The following ABL2 variants were observed in gnomAD, a reference collection of about 807,000 sequenced individuals.
ABL2 encodes tyrosine-protein kinase ABL2.
ABL2 carries 49 observed loss-of-function variants against 107.7 expected under a neutral mutation model. That is an observed-to-expected ratio of 0.45 (90% CI 0.36 to 0.58). ABL2 has a LOEUF of 0.58. Ranked by LOEUF, ABL2 falls within the 20% of genes least tolerant of loss-of-function variation. ABL2 has a pLI of 0.00. For missense variants in ABL2, 1,245 were observed against 1,457.0 expected, an observed-to-expected ratio of 0.85 and a Z score of 2.37; for synonymous variants, 549 against 548.6, an observed-to-expected ratio of 1.00 and a Z score of -0.01.
chr1:179,223,610 G>C (rs1304516535), intron 1 of ABL2, among the ~76,000 whole-genome samples: 1 of 151,646 alleles, frequency 6.6e-6, no homozygotes, highest in African/African-American at 2.4e-5. Flanking sequence ...AACTTACACA[G>C]ATTTGGAGAT....
intron 1 of ABL2, among the ~76,000 whole-genome samples, chr1:179,177,203 A>G (rs149343189): frequency 3.3e-5 from 5 of 151,548 alleles, no homozygotes; most frequent in South Asian, 4.2e-4. Flanking sequence ...ATTAAAAACA[A>G]TGTGAGAAAT....
At chr1:179,124,038 G>A (rs763871822) in intron 4 of ABL2, among the ~76,000 whole-genome samples, 1 of 151,942 alleles carries the variant, frequency 6.6e-6, no homozygotes, top group African/African-American at 2.4e-5. Flanking sequence ...TCAGGAGATC[G>A]AGACCATCCT....
intron 1 of ABL2, among the ~76,000 whole-genome samples, chr1:179,204,094 T>G (rs1256147987): frequency 6.6e-6 from 1 of 152,132 alleles, no homozygotes; most frequent in African/African-American, 2.4e-5. Flanking sequence ...TGGCCTGATC[T>G]CAGCTCACTG....
chr1:179,155,435 A>T (rs1235658443), intron 1 of ABL2, among the ~76,000 whole-genome samples: 1 of 152,230 alleles, frequency 6.6e-6, no homozygotes. Flanking sequence ...AGTTTTTAAA[A>T]TTTATACAGC....
At chr1:179,174,902 AAAAAAAT>A (rs1557975073) in intron 1 of ABL2, among the ~76,000 whole-genome samples, 1 of 124,888 alleles carries the variant, frequency 8.0e-6, no homozygotes, top group Admixed American at 9.0e-5. Context: ...TCTCAAAAAA[AAAAAAAT>A]AAAATAAAAA....
chr1:179,103,087 T>A lies in ABL2; in HGVS notation c.*4631A>T, dbSNP rs925594871. 4.5e-6 allele frequency: 1 copy of A among 221,130 alleles called. No individual in the cohort carries two copies. Among genetic ancestry groups the A allele is most frequent in the Admixed American group, 5.7e-5 (1 of 17,402 alleles). 13.7% of individuals were successfully genotyped at this position (221,130 alleles called of 1,614,324 possible). On this transcript the variant is annotated 3_prime_UTR_variant, in exon 12 of 12. Transcript: ENST00000502732. ...AATGGAGAAGAGTAAGAGGACCTCA[T>A]CCTTCTTGAGTCAAGGTCCTTGGAA... is the stretch of plus-strand genomic sequence containing the variant.
At chr1:179,190,559 C>G (rs945270095) in intron 1 of ABL2, among the ~76,000 whole-genome samples, 2 of 151,886 alleles carry the variant, frequency 1.3e-5, no homozygotes, top group Non-Finnish European at 2.9e-5. Context: ...ACGTTGATGA[C>G]GTTAACTTTC....
rs140292380 is a variant in ABL2, at chr1:179,133,324, C to T, written c.208G>A (p.Gly70Ser). ...EDGFEGDKTG[G>S]SSPEALHRPY... The stretch of plus-strand genomic sequence containing the variant: ...CAACATCTCTCACCTGGACTACTGC[C>T]TCCAGTCTTGTCTCCCTCAAATCCA... Residue 70 changes from glycine to serine, a missense_variant, in exon 2 of 12, where the codon GGC (glycine) becomes AGC (serine). By Grantham distance (56) the Gly-to-Ser change is moderately conservative. Coordinates refer to ENST00000502732, the MANE Select transcript of ABL2 (RefSeq NM_007314.4). 1.3e-5 allele frequency: 21 copies of T among 1,614,038 alleles called. No homozygotes were observed. The highest frequency in any genetic ancestry group is 2.2e-5 in the East Asian group (1 of 44,892).
intron 1 of ABL2, among the ~76,000 whole-genome samples, chr1:179,145,215 G>A (rs1203194898): frequency 6.6e-6 from 1 of 152,118 alleles, no homozygotes; most frequent in African/African-American, 2.4e-5. Context: ...AGTTCTGGAA[G>A]TCTAGTTCTG....
At chr1:179,158,620 A>G (rs1315513297) in intron 1 of ABL2, among the ~76,000 whole-genome samples, 1 of 152,206 alleles carries the variant, frequency 6.6e-6, no homozygotes, top group Admixed American at 6.5e-5. Flanking sequence ...CTTTTCCATG[A>G]TGAGGGAGTG....
chr1:179,122,322 T>C (rs1364694795), intron 4 of ABL2, among the ~76,000 whole-genome samples: 2 of 150,140 alleles, frequency 1.3e-5, no homozygotes, highest in African/African-American at 4.9e-5. Flanking sequence ...AGGGTCTCAC[T>C]ATTGCCCAGG....
chr1:179,099,452 TAGC>T lies in ABL2; in HGVS notation c.*8263_*8265del. 1 of 219,044 alleles carries T rather than the reference TAGC, an allele frequency of 4.6e-6. No homozygotes were observed. The highest frequency in any genetic ancestry group is 9.2e-6 in the Non-Finnish European group (1 of 109,136). The allele number at this position is 219,044 out of a possible 1,614,324, so 13.6% of individuals were successfully genotyped here. ...TTATTTACATCAAGTTTAACACTGT[TAGC>T]AGTTCACAGTCAGACAACAGACGGA... On this transcript the variant is annotated 3_prime_UTR_variant, in exon 12 of 12. Coordinates refer to ENST00000502732, the MANE Select transcript of ABL2 (RefSeq NM_007314.4).
Position 179,101,127 on chromosome 1 carries a change from G to A in ABL2, c.*6591C>T, listed in dbSNP as rs1281351673. The A allele has an allele frequency of 4.3e-6, 1 of 230,032 alleles. No homozygotes were observed. Among genetic ancestry groups the A allele is most frequent in the Non-Finnish European group, 8.6e-6 (1 of 116,108 alleles). The allele number at this position is 230,032 out of a possible 1,614,324, so 14.2% of individuals were successfully genotyped here. ...CTACCAGCTCTAGTTCAATAATCAT[G>A]CAAAATCAACCCAGCTGACAAGTCT... On this transcript the variant is annotated 3_prime_UTR_variant, in exon 12 of 12. Coordinates refer to ENST00000502732, the MANE Select transcript of ABL2 (RefSeq NM_007314.4).
chr1:179,133,468 C>G, intron 1 of ABL2, 94 bp from the exon 2 acceptor site: 1 of 1,599,430 alleles, frequency 6.3e-7, no homozygotes, highest in East Asian at 2.2e-5. Context: ...CATTCAAAGG[C>G]CTTTCATGAT....
At chr1:179,157,011 C>T (rs1037203536) in intron 1 of ABL2, among the ~76,000 whole-genome samples, 9 of 152,192 alleles carry the variant, frequency 5.9e-5, no homozygotes, top group Admixed American at 3.3e-4. Flanking sequence ...TCATTGTTAT[C>T]GCTGGCTTTA....
chr1:179,217,603 G>T (rs1335587919), intron 1 of ABL2, among the ~76,000 whole-genome samples: 1 of 150,160 alleles, frequency 6.7e-6, no homozygotes, highest in Non-Finnish European at 1.5e-5. Context: ...TCCAGCCTGG[G>T]CAACAGAGCA....
chr1:179,176,910 G>T (rs1324874041), intron 1 of ABL2, among the ~76,000 whole-genome samples: 5 of 151,824 alleles, frequency 3.3e-5, no homozygotes, highest in African/African-American at 1.2e-4. Context: ...TGGTCAGGCT[G>T]GTCTCGAACT....
intron 1 of ABL2, among the ~76,000 whole-genome samples, chr1:179,166,405 A>G (rs1292669789): frequency 6.6e-6 from 1 of 151,954 alleles, no homozygotes; most frequent in Non-Finnish European, 1.5e-5. Flanking sequence ...AAAAAAAAAA[A>G]AAAAAAGAAA....
rs1358077277 is a variant in ABL2, at chr1:179,107,250, C to G, written c.*468G>C. 5 of 235,574 alleles carry G rather than the reference C, an allele frequency of 2.1e-5. No individual in the cohort carries two copies. Among genetic ancestry groups the G allele is most frequent in the Non-Finnish European group, 4.2e-5 (5 of 119,450 alleles). The allele number at this position is 235,574 out of a possible 1,614,324, so 14.6% of individuals were successfully genotyped here. ...AACAGCTACTTCCAACAGCCCTGAA[C>G]AAAAATTTCTCTTGGTACATTCCCA... On this transcript the variant is annotated 3_prime_UTR_variant, in exon 12 of 12. Coordinates refer to ENST00000502732, the MANE Select transcript of ABL2 (RefSeq NM_007314.4).
Sources: allele counts gnomAD v4.1 joint callset (sites outside exome capture counted in the v4.1 genomes callset), GRCh38; gene constraint gnomAD v4.1.1; transcripts MANE v1.5; gene names NCBI Gene and HGNC (gene_info 2026-07-23, HGNC 2026-07-21).